PRKCB: variants seen among roughly 807,000 people sequenced by gnomAD.
PRKCB encodes protein kinase C beta type.
A neutral mutation model predicts 81.5 loss-of-function variants in PRKCB; 13 were observed. The observed-to-expected ratio is 0.16, with a 90% CI of 0.10 to 0.25. PRKCB has a LOEUF of 0.25. Among genes scored for constraint, PRKCB ranks in the 10% least tolerant of loss-of-function variants. The pLI is 1.00. For synonymous variants in PRKCB, 335 were observed against 321.4 expected, an observed-to-expected ratio of 1.04 and a Z score of -0.45; for missense variants, 509 against 875.7, an observed-to-expected ratio of 0.58 and a Z score of 5.29.
At chr16:24,126,126 C>T (rs1334413485) in intron 9 of PRKCB, among the ~76,000 whole-genome samples, 2 of 151,984 alleles carry the variant, frequency 1.3e-5, no homozygotes, top group Admixed American at 6.6e-5. Flanking sequence ...TCAAGAAAAG[C>T]ATGTTGAATA....
At chr16:24,111,044 C>A (rs115657116) in intron 7 of PRKCB, 110 of 152,312 alleles carry the variant, frequency 7.2e-4, no homozygotes, top group African/African-American at 2.6e-3. Context: ...CAAAATAGCT[C>A]TGTTTTCTTT....
rs184676373 is a variant in PRKCB, at chr16:24,141,779, G to A, written c.1066-12905G>A. ...ACCCAGGGAGGATCCTGGAGGTCAC[G>A]TGCCCAGTACCACCTCTAAGCACAG... On this transcript the variant is annotated intron_variant, in intron 9 of 16. Coordinates refer to ENST00000643927, the MANE Select transcript of PRKCB (RefSeq NM_002738.7). Among the ~76,000 whole-genome samples, 24 of 152,308 alleles carry A rather than the reference G, an allele frequency of 1.6e-4. 1 individual carries two copies. The highest frequency in any genetic ancestry group is 5.5e-4 in the African/African-American group (23 of 41,574).
chr16:24,199,793 G>A (rs1462780040), intron 16 of PRKCB, among the ~76,000 whole-genome samples: 2 of 152,162 alleles, frequency 1.3e-5, no homozygotes, highest in African/African-American at 4.8e-5. Flanking sequence ...GAAAAGTTAA[G>A]GCATTTGCCC....
intron 3 of PRKCB, among the ~76,000 whole-genome samples, chr16:24,030,271 A>T (rs886867743): frequency 1.3e-5 from 2 of 152,236 alleles, no homozygotes; most frequent in African/African-American, 4.8e-5. Context: ...GTGAGGAAAG[A>T]ATCTCTTGAA....
Position 24,219,695 on chromosome 16 carries a change from CA to C in PRKCB, c.*4880del. 1 of 1,292,756 alleles carries C rather than the reference CA, an allele frequency of 7.7e-7. No homozygotes were observed. Among genetic ancestry groups the C allele is most frequent in the Non-Finnish European group, 9.9e-7 (1 of 1,015,164 alleles). The allele number at this position is 1,292,756 out of a possible 1,614,324, so 80.1% of individuals were successfully genotyped here. On this transcript the variant is annotated 3_prime_UTR_variant, in exon 17 of 17. Transcript: ENST00000643927. ...ACACACACACACACACACACACACA[CA>C]CACACACCACTTTATGGCAATTCTT...
chr16:24,054,903 C>T (rs1221491842), intron 5 of PRKCB, among the ~76,000 whole-genome samples: 1 of 152,230 alleles, frequency 6.6e-6, no homozygotes, highest in Non-Finnish European at 1.5e-5. Context: ...CATCTGTCTG[C>T]ATCACTGTGG....
chr16:23,988,383 T>A (rs900626422), intron 2 of PRKCB, 125 bp from the exon 3 acceptor site: 6 of 696,784 alleles, frequency 8.6e-6, no homozygotes, highest in Non-Finnish European at 1.5e-5. Flanking sequence ...TTATTGTTTA[T>A]TTTGGCATAA....
chr16:24,204,810 G>T (rs1968018640), intron 16 of PRKCB, among the ~76,000 whole-genome samples: 2 of 152,102 alleles, frequency 1.3e-5, no homozygotes, highest in South Asian at 2.1e-4. Context: ...GATTAAGAAG[G>T]ATTCTTTTGT....
At chr16:24,097,032 C>CTTTTT (rs35055699) in intron 7 of PRKCB, among the ~76,000 whole-genome samples, 1 of 82,696 alleles carries the variant, frequency 1.2e-5, no homozygotes, top group Non-Finnish European at 2.2e-5. Context: ...CATCTTAGGC[C>CTTTTT]TTTTTTTTTT....
Position 24,167,660 on chromosome 16 carries a change from T to C in PRKCB, c.1240-4610T>C, listed in dbSNP as rs138971540. On this transcript the variant is annotated intron_variant, in intron 10 of 16. Coordinates refer to ENST00000643927, the MANE Select transcript of PRKCB (RefSeq NM_002738.7). ...AAATCTCCATGTTCCTTCTCTCCCA[T>C]CCTGGACTGGAAGCTCTTTGAGGGG... 8.3e-3 allele frequency among the ~76,000 whole-genome samples: 1,261 copies of C among 152,262 alleles called. 17 individuals carry two copies. Among genetic ancestry groups the C allele is most frequent in the South Asian group, 0.023 (111 of 4,828 alleles).
chr16:23,984,696 A>T (rs1279152081), intron 2 of PRKCB, among the ~76,000 whole-genome samples: 3 of 152,226 alleles, frequency 2.0e-5, no homozygotes, highest in Non-Finnish European at 4.4e-5. Context: ...CCCAGATAAG[A>T]TGCTACAATT....
At chr16:24,191,332 T>G (rs551282592) in intron 16 of PRKCB, 102 bp downstream of exon 16, 1 of 1,323,706 alleles carries the variant, frequency 7.6e-7, no homozygotes, top group African/African-American at 1.5e-5. Context: ...GACGTCAATG[T>G]GTCTACTGGA....
At chr16:23,947,327 A>C (rs1964215995) in intron 2 of PRKCB, among the ~76,000 whole-genome samples, 1 of 152,210 alleles carries the variant, frequency 6.6e-6, no homozygotes, top group Non-Finnish European at 1.5e-5. Flanking sequence ...CAGCCCTGCT[A>C]AAGGCATCTT....
chr16:23,881,531 C>A (rs1164033337), intron 2 of PRKCB, among the ~76,000 whole-genome samples: 3 of 152,212 alleles, frequency 2.0e-5, no homozygotes, highest in Non-Finnish European at 2.9e-5. Context: ...GGATTACAGG[C>A]GTGAGCCACT....
Position 24,035,401 on chromosome 16 carries a change from C to T in PRKCB, c.401-18C>T, listed in dbSNP as rs1965601530. The T allele has an allele frequency of 1.2e-6, 2 of 1,612,218 alleles. No homozygotes were observed. The highest frequency in any genetic ancestry group is 8.5e-7 in the Non-Finnish European group (1 of 1,178,972). On this transcript the variant is annotated intron_variant, in intron 4 of 16. Coordinates refer to ENST00000643927, the MANE Select transcript of PRKCB (RefSeq NM_002738.7). ...CCTGGGCCAGCCTAAGCCACATCCC[C>T]TCTCTCTGCCCTCACAGCCTGCATG...
At chr16:24,124,574 GATGACC>G (rs1257694558) in intron 9 of PRKCB, among the ~76,000 whole-genome samples, 1 of 152,178 alleles carries the variant, frequency 6.6e-6, no homozygotes, top group African/African-American at 2.4e-5. Context: ...ACAGTGGAAG[GATGACC>G]CTGGGACTCA....
rs1965388974 is a variant in PRKCB, at chr16:24,021,247, CTT to C, written c.289-10888_289-10887del. Among the ~76,000 whole-genome samples, 17 of 95,028 alleles carry C rather than the reference CTT, an allele frequency of 1.8e-4. 3 individuals carry two copies. Among genetic ancestry groups the C allele is most frequent in the South Asian group, 4.6e-4 (1 of 2,184 alleles). 62.3% of individuals were successfully genotyped at this position (95,028 alleles called of 152,430 possible). On this transcript the variant is annotated intron_variant, in intron 3 of 16. Transcript: ENST00000643927. ...CTTTCTTTCTTTCCTTCCTTCCTTC[CTT>C]CTTCCTTTCTTCCTTTCTTTTTCTT...
chr16:23,875,425 C>T (rs549413699), intron 2 of PRKCB, among the ~76,000 whole-genome samples: 4 of 150,874 alleles, frequency 2.7e-5, no homozygotes, highest in East Asian at 1.9e-4. Context: ...AGCTTACCAG[C>T]GGGTGTCCAA....
chr16:24,110,216 A>AT lies in PRKCB; in HGVS notation c.822-2747dup, dbSNP rs549422060. Among the ~76,000 whole-genome samples, 301 of 143,054 alleles carry AT rather than the reference A, an allele frequency of 2.1e-3. 1 individual carries two copies. The highest frequency in any genetic ancestry group is 7.3e-4 in the African/African-American group (28 of 38,420). 93.8% of individuals were successfully genotyped at this position (143,054 alleles called of 152,430 possible). A position where few individuals can be genotyped will look rare whatever the true frequency, so the allele number is the denominator to read the frequency against. On this transcript the variant is annotated intron_variant, in intron 7 of 16. Transcript: ENST00000643927. The stretch of plus-strand genomic sequence containing the variant: ...AGAGCGTCCCCAATCTTTTAAGTCT[A>AT]TTTTTTTTTTCTTGAGACGGTGTCT...
Sources: allele counts gnomAD v4.1 joint callset (sites outside exome capture counted in the v4.1 genomes callset), GRCh38; gene constraint gnomAD v4.1.1; transcripts MANE v1.5; gene names NCBI Gene and HGNC (gene_info 2026-07-23, HGNC 2026-07-21).